Variants in POLQ observed in about 807,000 individuals in gnomAD.
The protein encoded by POLQ is epididymis secretory sperm binding protein.
POLQ carries 233 observed loss-of-function variants against 259.2 expected under a neutral mutation model. The ratio of observed to expected loss-of-function variants is 0.90; its 90% CI spans 0.81 to 1.00. The LOEUF (loss-of-function observed/expected upper bound fraction) is 1.00, where lower values mean the gene tolerates loss of function less well. Ranked by LOEUF, POLQ falls within the 50% of genes least tolerant of loss-of-function variation. The pLI, the probability that POLQ is intolerant of heterozygous loss-of-function variation, is 0.00. For missense variants in POLQ, 2,871 were observed against 3,051.6 expected (o/e 0.94, Z 1.39); for synonymous variants, 1,025 against 1,048.8 (o/e 0.98, Z 0.44).
rs764632703 is a variant in POLQ, at chr3:121,489,488, C to T, written c.3443G>A (p.Cys1148Tyr). 1 of 1,613,990 alleles carries T rather than the reference C, an allele frequency of 6.2e-7. No individual in the cohort carries two copies. Among genetic ancestry groups the T allele is most frequent in the Non-Finnish European group, 8.5e-7 (1 of 1,179,942 alleles). ...VTGSQSKNVT[C>Y]QATSVVSEKG... ...TTCACTAACCACACTAGTGGCCTGACAAGTCACATTTTTACTCTGAGATCC... is the reference window on the plus strand; with the variant it reads ...TTCACTAACCACACTAGTGGCCTGATAAGTCACATTTTTACTCTGAGATCC... Residue 1148 changes from cysteine to tyrosine, a missense_variant, in exon 16 of 30, where the codon TGT becomes TAT. Cys to Tyr is a radical substitution (Grantham distance 194). This residue lies in a region of POLQ where 2,080 missense variants were observed against 2,126.0 expected (regional missense o/e 0.98). Coordinates refer to ENST00000264233, the MANE Select transcript of POLQ (RefSeq NM_199420.4).
chr3:121,438,429 G>A (rs980282318), intron 27 of POLQ, among the ~76,000 whole-genome samples: 6 of 151,900 alleles, frequency 3.9e-5, no homozygotes, highest in East Asian at 3.9e-4. Flanking sequence ...TTATTAGATC[G>A]AGTCCAAGTT....
intron 28 of POLQ, among the ~76,000 whole-genome samples, chr3:121,434,913 G>A (rs961567415): frequency 3.9e-5 from 6 of 152,236 alleles, no homozygotes; most frequent in Middle Eastern, 3.4e-3. Flanking sequence ...AACACTTTGG[G>A]AAGCCAAGCT....
In POLQ at chr3:121,489,853, T is replaced by C; in HGVS notation, c.3078A>G (p.Ala1026=). ...VQTFSQKTKK[A]PLNFNSEKMS... Reference sequence around the variant, plus strand: ...TCTTTTCTGAATTGAAATTCAAAGGTGCCTTTTTTGTTTTCTGTGAAAAAG... The same window carrying C: ...TCTTTTCTGAATTGAAATTCAAAGGCGCCTTTTTTGTTTTCTGTGAAAAAG... Residue 1026 remains alanine (A), a synonymous_variant, in exon 16 of 30, where the codon GCA becomes GCG. Transcript: ENST00000264233. 6.2e-7 allele frequency: 1 copy of C among 1,608,066 alleles called. No homozygotes were observed. The highest frequency in any genetic ancestry group is 8.5e-7 in the Non-Finnish European group (1 of 1,178,724).
chr3:121,520,686 A>G (rs1046302830), intron 8 of POLQ, among the ~76,000 whole-genome samples: 4 of 152,220 alleles, frequency 2.6e-5, no homozygotes, highest in African/African-American at 9.6e-5. Context: ...ACATGAAAGC[A>G]GCAACAGAAC....
chr3:121,509,767 C>T (rs767966175), intron 11 of POLQ, 64 bp from the exon 12 acceptor site: 93 of 1,477,326 alleles, frequency 6.3e-5, no homozygotes, highest in Non-Finnish European at 7.6e-5. Context: ...AAACAAAATA[C>T]TATCTTTCTG....
chr3:121,462,970 T>C (rs2047804600), intron 24 of POLQ, among the ~76,000 whole-genome samples: 1 of 152,262 alleles, frequency 6.6e-6, no homozygotes, highest in Admixed American at 6.5e-5. Flanking sequence ...GTCCGCATAC[T>C]AGCAGCAATG....
At chr3:121,474,222 A>G (rs2047907594) in intron 20 of POLQ, among the ~76,000 whole-genome samples, 5 of 152,150 alleles carry the variant, frequency 3.3e-5, no homozygotes, top group African/African-American at 1.2e-4. Flanking sequence ...AGAAAACACT[A>G]AAGTAGGAAG....
intron 12 of POLQ, among the ~76,000 whole-genome samples, chr3:121,499,772 G>T (rs2048152924): frequency 6.6e-6 from 1 of 152,072 alleles, no homozygotes; most frequent in Non-Finnish European, 1.5e-5. Flanking sequence ...AACACAGGGG[G>T]AAAAGCAGGC....
chr3:121,472,590 T>C (rs2047894404), intron 21 of POLQ, among the ~76,000 whole-genome samples: 1 of 152,166 alleles, frequency 6.6e-6, no homozygotes, highest in African/African-American at 2.4e-5. Context: ...AGACATTTAT[T>C]TTTAAAACTT....
intron 28 of POLQ, 111 bp from the exon 29 acceptor site, chr3:121,433,144 A>C: frequency 1.5e-6 from 1 of 679,992 alleles, no homozygotes; most frequent in Non-Finnish European, 2.7e-6. Flanking sequence ...ATTAAAACAC[A>C]CAAGAATAAG....
In POLQ at chr3:121,487,356, T is replaced by A. The variant is rs754291756; in HGVS notation, c.5575A>T (p.Ile1859Phe). 15 of 1,613,172 alleles carry A rather than the reference T, an allele frequency of 9.3e-6. No individual in the cohort carries two copies. The highest frequency in any genetic ancestry group is 6.7e-5 in the Admixed American group (4 of 59,842). ...RFSISLACEK[I>F]RSLTSSKTAT... is the part of the protein sequence containing the mutation. ...GTTTTAGAAGATGTCAAACTTCTAA[T>A]CTTTTCACAAGCCAGTGAGATGGAA... The change falls in exon 16 of 30, where the codon ATT (isoleucine) becomes TTT (phenylalanine). Residue 1859 changes from isoleucine to phenylalanine, a missense_variant. Around this residue, in one of 3 missense-constraint regions of POLQ, gnomAD observed 2,080 missense variants for 2,126.0 expected, o/e 0.98. Coordinates refer to ENST00000264233, the MANE Select transcript of POLQ (RefSeq NM_199420.4).
At position 121,489,446 on chromosome 3, in the gene POLQ, G is replaced by A; in HGVS notation, c.3485C>T (p.Ala1162Val). The change falls in exon 16 of 30, where the codon GCT becomes GTT. Residue 1162 changes from alanine (A) to valine (V), a missense_variant. By Grantham distance (64) the Ala-to-Val change is moderately conservative. Coordinates refer to ENST00000264233, the MANE Select transcript of POLQ (RefSeq NM_199420.4). ...TTCATTTATTTTTTCTGCCTCAACA[G>A]CTACTCCTCTGCCCTTTTCACTAAC... ...SVVSEKGRGV[A>V]VEAEKINEVL... 1.9e-6 allele frequency: 3 copies of A among 1,613,886 alleles called. No individual in the cohort carries two copies. Among genetic ancestry groups the A allele is most frequent in the Non-Finnish European group, 2.5e-6 (3 of 1,179,920 alleles).
In POLQ at chr3:121,449,406, AT is replaced by A; in HGVS notation, c.7172del (p.Tyr2391LeufsTer37). 1 of 1,588,856 alleles carries A rather than the reference AT, an allele frequency of 6.3e-7. No homozygotes were observed. Among genetic ancestry groups the A allele is most frequent in the Non-Finnish European group, 8.6e-7 (1 of 1,157,048 alleles). Reference protein sequence around the residue: ...QAKQICYGIIYGMGAKSLGEQ... With the variant: ...QAKQICYGIIXGMGAKSLGEQ... ...CTCCCAAAGATTTAGCTCCCATTCCATAAATGATCCCATAGCAAATCTGAAA... is the reference window on the plus strand; with the variant it reads ...CTCCCAAAGATTTAGCTCCCATTCCAAAATGATCCCATAGCAAATCTGAAA... On this transcript the variant is annotated frameshift_variant, in exon 26 of 30. Transcript: ENST00000264233. LOFTEE classifies it high-confidence loss of function.
At chr3:121,485,681 G>C (rs1222754490) in intron 16 of POLQ, among the ~76,000 whole-genome samples, 2 of 152,110 alleles carry the variant, frequency 1.3e-5, no homozygotes, top group Non-Finnish European at 2.9e-5. Context: ...CCTAGTAGCA[G>C]GAAAATAACT....
chr3:121,464,727 T>C (rs1297186488), intron 24 of POLQ, among the ~76,000 whole-genome samples: 1 of 152,156 alleles, frequency 6.6e-6, no homozygotes, highest in Non-Finnish European at 1.5e-5. Flanking sequence ...AAATTTAAAA[T>C]ATTGTATAAA....
At chr3:121,469,347 T>C (rs531784175) in intron 22 of POLQ, among the ~76,000 whole-genome samples, 99 of 152,302 alleles carry the variant, frequency 6.5e-4, no homozygotes, top group African/African-American at 2.4e-3. Flanking sequence ...TATAACACTA[T>C]CAGCAACACT....
intron 28 of POLQ, among the ~76,000 whole-genome samples, chr3:121,434,742 T>C (rs2047528908): frequency 6.6e-6 from 1 of 152,210 alleles, no homozygotes; most frequent in Admixed American, 6.5e-5. Context: ...TGTATGTCTC[T>C]TCTAGAAATA....
chr3:121,536,254 T>C (rs1041357172), intron 5 of POLQ, among the ~76,000 whole-genome samples: 1 of 152,044 alleles, frequency 6.6e-6, no homozygotes, highest in Admixed American at 6.6e-5. Context: ...AATAGGAAGA[T>C]AATGAGAGGA....
intron 19 of POLQ, among the ~76,000 whole-genome samples, chr3:121,477,149 A>G (rs2047934056): frequency 1.3e-5 from 2 of 152,202 alleles, no homozygotes; most frequent in South Asian, 4.1e-4. Flanking sequence ...TTTACGTGAC[A>G]GGGCACAGTC....
Sources: gnomAD v4.1 joint callset for allele counts (sites outside exome capture counted in the v4.1 genomes callset) on GRCh38, gnomAD v4.1.1 for gene constraint, gnomAD v4.1.1 regional missense constraint, MANE v1.5 for transcripts, NCBI Gene and HGNC (gene_info 2026-07-23, HGNC 2026-07-21) for gene names.